NLGN1: variants seen among roughly 807,000 people sequenced by gnomAD.
NLGN1 encodes neuroligin 1.
NLGN1 carries 12 observed loss-of-function variants against 65.5 expected under a neutral mutation model. The ratio of observed to expected loss-of-function variants is 0.18; its 90% confidence interval spans 0.12 to 0.30. The LOEUF is 0.30. Ranked by LOEUF, NLGN1 falls within the 10% of genes least tolerant of loss-of-function variation. The probability of loss-of-function intolerance (pLI) is 1.00; values close to 1 mark genes in which losing one functional copy is unlikely to be tolerated. For synonymous variants in NLGN1, 350 were observed against 359.5 expected, an observed-to-expected ratio of 0.97 and a Z score of 0.30; for missense variants, 750 against 1,007.1, an observed-to-expected ratio of 0.74 and a Z score of 3.46.
chr3:174,237,277 C>G (rs1266690297), intron 4 of NLGN1, among the ~76,000 whole-genome samples: 1 of 152,164 alleles, frequency 6.6e-6, no homozygotes, highest in Non-Finnish European at 1.5e-5. Context: ...TTATTTACAG[C>G]TTACACAGAT....
chr3:173,766,427 A>C (rs903413755), intron 3 of NLGN1, among the ~76,000 whole-genome samples: 2 of 151,398 alleles, frequency 1.3e-5, no homozygotes, highest in Non-Finnish European at 2.9e-5. Context: ...ATTCTTTCCT[A>C]TTTTCCCTCC....
chr3:174,095,245 T>C (rs7613819), intron 4 of NLGN1, among the ~76,000 whole-genome samples: 1 of 149,304 alleles, frequency 6.7e-6, no homozygotes, highest in Non-Finnish European at 1.5e-5. Flanking sequence ...AACCATAAAG[T>C]TGCTTTATGA....
In NLGN1 at chr3:173,412,599, T is replaced by C. The variant is rs188681604; in HGVS notation, c.-390+14112T>C. Among the ~76,000 whole-genome samples the C allele has an allele frequency of 2.0e-5, 3 of 152,222 alleles. No individual in the cohort carries two copies. The East Asian group carries it at 5.8e-4, about 29-fold the overall frequency. ...ACTAACAAAATATTTCAGGAAAATATATTGATTCCAACTTCTTGGAGGGAA... is the reference window on the plus strand; with the variant it reads ...ACTAACAAAATATTTCAGGAAAATACATTGATTCCAACTTCTTGGAGGGAA... On this transcript the variant is annotated intron_variant, in intron 1 of 6. Transcript: ENST00000457714.
intron 4 of NLGN1, among the ~76,000 whole-genome samples, chr3:173,825,506 C>T (rs1403195911): frequency 4.0e-5 from 6 of 151,816 alleles, no homozygotes; most frequent in African/African-American, 1.2e-4. Flanking sequence ...TAAGGTTTTT[C>T]GTTTTATTCT....
chr3:173,549,614 C>G (rs1381372800), intron 2 of NLGN1, among the ~76,000 whole-genome samples: 1 of 151,998 alleles, frequency 6.6e-6, no homozygotes, highest in Non-Finnish European at 1.5e-5. Flanking sequence ...AAGGCTTACT[C>G]TTTATTAGAT....
At chr3:173,450,352 G>T (rs144299538) in intron 2 of NLGN1, among the ~76,000 whole-genome samples, 2 of 152,122 alleles carry the variant, frequency 1.3e-5, no homozygotes, top group Admixed American at 6.5e-5. Context: ...GAAATTCTGG[G>T]TTGAAAATTC....
chr3:173,731,155 A>G (rs1190668688), intron 3 of NLGN1, among the ~76,000 whole-genome samples: 2 of 152,202 alleles, frequency 1.3e-5, no homozygotes, highest in South Asian at 2.1e-4. Flanking sequence ...TATTTTATGC[A>G]TAATGTAAGT....
intron 2 of NLGN1, among the ~76,000 whole-genome samples, chr3:173,561,318 G>A (rs1208862748): frequency 1.3e-5 from 2 of 152,112 alleles, no homozygotes; most frequent in African/African-American, 2.4e-5. Flanking sequence ...GGTACAACAC[G>A]CCTTGGTTCC....
At chr3:173,657,676 C>A (rs1331085404) in intron 3 of NLGN1, among the ~76,000 whole-genome samples, 1 of 151,534 alleles carries the variant, frequency 6.6e-6, no homozygotes, top group Non-Finnish European at 1.5e-5. Context: ...TATATTTTGC[C>A]CTCAGCTAAA....
At chr3:173,928,116 T>C (rs1474699958) in intron 4 of NLGN1, among the ~76,000 whole-genome samples, 1 of 152,246 alleles carries the variant, frequency 6.6e-6, no homozygotes, top group Admixed American at 6.5e-5. Context: ...ACAACTTTAA[T>C]ATTAAACTTC....
chr3:174,023,162 G>A (rs1728115860), intron 4 of NLGN1, among the ~76,000 whole-genome samples: 1 of 152,122 alleles, frequency 6.6e-6, no homozygotes, highest in Admixed American at 6.6e-5. Flanking sequence ...TGTCCCTGCT[G>A]CAGCTCACAT....
intron 3 of NLGN1, among the ~76,000 whole-genome samples, chr3:173,700,258 C>G (rs1445211205): frequency 1.3e-5 from 2 of 152,126 alleles, no homozygotes; most frequent in African/African-American, 2.4e-5. Flanking sequence ...ACTTTTTATA[C>G]CATTCTGTTT....
intron 2 of NLGN1, among the ~76,000 whole-genome samples, chr3:173,519,473 A>C (rs1227832611): frequency 6.6e-6 from 1 of 152,214 alleles, no homozygotes; most frequent in African/African-American, 2.4e-5. Flanking sequence ...CTGGAAAGCC[A>C]CAGAGGCAGA....
chr3:173,446,856 T>C (rs889155579), intron 2 of NLGN1, among the ~76,000 whole-genome samples: 2 of 152,246 alleles, frequency 1.3e-5, no homozygotes, highest in African/African-American at 4.8e-5. Context: ...GCTGCATAAA[T>C]GTCTTCTTTT....
chr3:173,666,671 C>T (rs1761742075), intron 3 of NLGN1, among the ~76,000 whole-genome samples: 1 of 152,150 alleles, frequency 6.6e-6, no homozygotes, highest in Non-Finnish European at 1.5e-5. Flanking sequence ...ATGTGTTGTA[C>T]ATTCATTGCT....
chr3:173,904,054 A>T (rs1333836032), intron 4 of NLGN1, among the ~76,000 whole-genome samples: 1 of 152,182 alleles, frequency 6.6e-6, no homozygotes. Context: ...AGTACAATTT[A>T]AACTTTTAAG....
In NLGN1 at chr3:174,280,761, G is replaced by T. The variant is rs900544772; in HGVS notation, c.1930G>T (p.Val644Leu). 3 of 1,613,172 alleles carry T rather than the reference G, an allele frequency of 1.9e-6. No individual in the cohort carries two copies. The highest frequency in any genetic ancestry group is 2.5e-6 in the Non-Finnish European group (3 of 1,179,566). ...TTTCAGACCTACGAGAAAAAATTCTGTACCTGTCACGTCAGCCTTTCCCAC... is the reference window on the plus strand; with the variant it reads ...TTTCAGACCTACGAGAAAAAATTCTTTACCTGTCACGTCAGCCTTTCCCAC... Residue 644 changes from valine (V) to leucine (L), a missense_variant, in exon 7 of 7, where the codon GTA becomes TTA. By Grantham distance (32) the Val-to-Leu change is conservative. Coordinates refer to ENST00000457714, the Ensembl canonical transcript of NLGN1. The surrounding 1 kb of genome is among the most constrained non-coding windows in gnomAD (Gnocchi z 4.9).
intron 2 of NLGN1, among the ~76,000 whole-genome samples, chr3:173,554,253 C>A (rs2149273501): frequency 6.6e-6 from 1 of 152,160 alleles, no homozygotes; most frequent in African/African-American, 2.4e-5. Flanking sequence ...AGAAACACAC[C>A]TGTATGAAGT....
At chr3:173,649,394 CTA>C (rs1346045367) in intron 3 of NLGN1, among the ~76,000 whole-genome samples, 1 of 151,962 alleles carries the variant, frequency 6.6e-6, no homozygotes, top group Non-Finnish European at 1.5e-5. Context: ...GTCTATGTAA[CTA>C]TTACATATAC....
Sources: allele counts gnomAD v4.1 joint callset (sites outside exome capture counted in the v4.1 genomes callset), GRCh38; gene constraint gnomAD v4.1.1; non-coding constraint Gnocchi (gnomAD v3.1); transcripts MANE v1.5; gene names NCBI Gene and HGNC (gene_info 2026-07-23, HGNC 2026-07-21).